The following TFAP2B variants were observed in gnomAD, a reference collection of about 807,000 sequenced individuals.
TFAP2B encodes transcription factor AP-2 beta.
In TFAP2B, 9 loss-of-function variants were observed where a neutral mutation model predicts 44.3. The ratio of observed to expected loss-of-function variants is 0.20; its 90% confidence interval spans 0.12 to 0.35. The LOEUF is 0.35. TFAP2B is among the 10% of genes least tolerant of loss of function. TFAP2B has a pLI of 1.00. For synonymous variants in TFAP2B, 270 were observed against 263.8 expected (o/e 1.02, Z -0.23); for missense variants, 509 against 600.0 (o/e 0.85, Z 1.59).
Position 50,843,613 on chromosome 6 carries a change from C to A in TFAP2B, c.*221C>A. 1.8e-6 allele frequency: 1 copy of A among 541,128 alleles called. No individual in the cohort carries two copies. The highest frequency in any genetic ancestry group is 3.2e-6 in the Non-Finnish European group (1 of 316,046). 33.5% of individuals were successfully genotyped at this position (541,128 alleles called of 1,614,324 possible). ...GGTTCTCAGTGTCTATTTCAAGATA[C>A]ATTTGGAGACAACCGTCCGGATTTT... is the stretch of plus-strand genomic sequence containing the variant. On this transcript the variant is annotated 3_prime_UTR_variant, in exon 7 of 7. Transcript: ENST00000393655.
chr6:50,839,998 TG>T (rs1762694540), intron 5 of TFAP2B, among the ~76,000 whole-genome samples, 157 bp from the exon 6 acceptor site: 1 of 152,152 alleles, frequency 6.6e-6, no homozygotes, highest in Non-Finnish European at 1.5e-5. Context: ...AATTATAGCT[TG>T]AGAATCATTT....
At chr6:50,819,364 T>G (rs1006338285) in intron 1 of TFAP2B, among the ~76,000 whole-genome samples, 6 of 149,634 alleles carry the variant, frequency 4.0e-5, no homozygotes, top group Non-Finnish European at 7.4e-5. Context: ...GAGAATTGGG[T>G]TTTCAAGCCT....
chr6:50,820,683 T>G (rs1480653455), intron 1 of TFAP2B, among the ~76,000 whole-genome samples: 1 of 152,250 alleles, frequency 6.6e-6, no homozygotes, highest in Non-Finnish European at 1.5e-5. Flanking sequence ...GCGCTAGAAC[T>G]GTCCTAAAGA....
intron 3 of TFAP2B, among the ~76,000 whole-genome samples, chr6:50,835,137 C>T (rs1762594265): frequency 6.6e-6 from 1 of 152,150 alleles, no homozygotes; most frequent in Non-Finnish European, 1.5e-5. Flanking sequence ...AACCAGCTGT[C>T]AACTCTTATT....
chr6:50,835,979 C>T, intron 3 of TFAP2B, 82 bp from the exon 4 acceptor site: 8 of 1,149,180 alleles, frequency 7.0e-6, no homozygotes, highest in Non-Finnish European at 1.1e-5. Context: ...GTCCTGTGGC[C>T]TCACACAGAG....
intron 1 of TFAP2B, among the ~76,000 whole-genome samples, chr6:50,820,508 GGAGA>G (rs1363192175): frequency 6.6e-6 from 1 of 152,278 alleles, no homozygotes; most frequent in Non-Finnish European, 1.5e-5. Context: ...AGAGCAGAGA[GGAGA>G]GAGATTGGTC....
chr6:50,822,028 C>G, intron 1 of TFAP2B: 1 of 520,940 alleles, frequency 1.9e-6, no homozygotes, highest in Non-Finnish European at 3.1e-6. Context: ...GTCCTGGAAA[C>G]ACATCAAGCT....
chr6:50,840,264 T>C lies in TFAP2B; in HGVS notation c.1049T>C (p.Leu350Pro). ...LNRQHTDPSD[L>P]HSRKNMLLAT... ...CGGCAGCACACAGACCCGAGTGACC[T>C]GCACTCCCGAAAGAATATGCTGTTG... Residue 350 changes from leucine (L) to proline (P), a missense_variant, in exon 6 of 7, where the codon CTG becomes CCG. Coordinates refer to ENST00000393655, the MANE Select transcript of TFAP2B (RefSeq NM_003221.4). The C allele has an allele frequency of 6.2e-7, 1 of 1,614,084 alleles. No homozygotes were observed. The highest frequency in any genetic ancestry group is 1.1e-5 in the South Asian group (1 of 91,082).
rs761069630 is a variant in TFAP2B at position 50,843,496 on chromosome 6, T to C, written c.*104T>C. ...TATTGGATTGGCTTTGGAAGAATTA[T>C]ATTAGGTAGAATACACATACAATCA... On this transcript the variant is annotated 3_prime_UTR_variant, in exon 7 of 7. Transcript: ENST00000393655. 5.6e-6 allele frequency: 7 copies of C among 1,241,316 alleles called. No individual in the cohort carries two copies. Among genetic ancestry groups the C allele is most frequent in the African/African-American group, 1.5e-5 (1 of 65,164 alleles). The allele number at this position is 1,241,316 out of a possible 1,614,324, so 76.9% of individuals were successfully genotyped here.
At chr6:50,819,060 C>T (rs1770250797) in intron 1 of TFAP2B, 88 bp downstream of exon 1, 2 of 1,297,276 alleles carry the variant, frequency 1.5e-6, no homozygotes, top group Non-Finnish European at 1.1e-6. Context: ...TATTTTTAAG[C>T]TATTTACTCG....
chr6:50,836,749 G>A (rs1162807085), intron 4 of TFAP2B, among the ~76,000 whole-genome samples: 1 of 151,134 alleles, frequency 6.6e-6, no homozygotes, highest in Non-Finnish European at 1.5e-5. Context: ...TGTTTTAAAT[G>A]CAGTTGGCAC....
intron 2 of TFAP2B, among the ~76,000 whole-genome samples, chr6:50,824,507 C>T (rs1036965357): frequency 1.3e-5 from 2 of 152,190 alleles, no homozygotes; most frequent in Non-Finnish European, 2.9e-5. Flanking sequence ...GAAGGAGAAA[C>T]TCAGAACGCC....
intron 6 of TFAP2B, among the ~76,000 whole-genome samples, chr6:50,841,627 C>T (rs899965828): frequency 5.9e-5 from 9 of 152,174 alleles, no homozygotes; most frequent in Admixed American, 1.3e-4. Flanking sequence ...GTATCAGAAT[C>T]AGCTGGTGAG....
At chr6:50,838,243 C>A (rs1202819251) in intron 5 of TFAP2B, 150 bp downstream of exon 5, 4 of 750,134 alleles carry the variant, frequency 5.3e-6, no homozygotes, top group East Asian at 5.2e-5. Flanking sequence ...GAGAGAGGTT[C>A]AAAGGTCCTT....
At chr6:50,837,953 A>C (rs1273169216) in intron 4 of TFAP2B, 22 bp from the exon 5 acceptor site, 1 of 1,559,850 alleles carries the variant, frequency 6.4e-7, no homozygotes, top group East Asian at 2.2e-5. Context: ...GTTAATCAGA[A>C]TGTTAATTCT....
intron 2 of TFAP2B, among the ~76,000 whole-genome samples, chr6:50,827,179 G>C (rs1384380798): frequency 1.3e-5 from 2 of 152,178 alleles, no homozygotes; most frequent in Non-Finnish European, 2.9e-5. Context: ...CAAGGCACAG[G>C]AGAATATTTC....
intron 6 of TFAP2B, among the ~76,000 whole-genome samples, chr6:50,840,985 G>A (rs2113957139): frequency 6.6e-6 from 1 of 152,356 alleles, no homozygotes; most frequent in Non-Finnish European, 1.5e-5. Context: ...CCAAACAGCC[G>A]CGCTCATTTA....
chr6:50,833,135 C>CTA (rs1314682521), intron 3 of TFAP2B, among the ~76,000 whole-genome samples: 1 of 152,206 alleles, frequency 6.6e-6, no homozygotes, highest in Non-Finnish European at 1.5e-5. Context: ...CGCTTTAAAC[C>CTA]TATCTCAGTC....
Position 50,836,270 on chromosome 6 carries a change from G to C in TFAP2B, c.811G>C (p.Val271Leu), listed in dbSNP as rs1261797446. The C allele has an allele frequency of 6.8e-6, 11 of 1,611,838 alleles. No individual in the cohort carries two copies. The highest frequency in any genetic ancestry group is 9.3e-6 in the Non-Finnish European group (11 of 1,179,632). ...ECLNASLLGG[V>L]LRRAKSKNGG... ...CCTCAATGCATCTCTCCTCGGCGGA[G>C]TCCTCAGAAGGTAACCCCACCACGA... The change falls in exon 4 of 7, where the codon GTC becomes CTC. Residue 271 changes from valine to leucine, a missense_variant. Transcript: ENST00000393655.
Sources: allele counts gnomAD v4.1 joint callset (sites outside exome capture counted in the v4.1 genomes callset), GRCh38; gene constraint gnomAD v4.1.1; transcripts MANE v1.5; gene names NCBI Gene and HGNC (gene_info 2026-07-23, HGNC 2026-07-21).